FOXP4: variants seen among roughly 807,000 people sequenced by gnomAD.
FOXP4 encodes forkhead box protein P4.
In FOXP4, 25 loss-of-function variants were observed where a neutral mutation model predicts 82.6. The observed-to-expected ratio is 0.30, with a 90% CI of 0.22 to 0.42. The LOEUF is 0.42. FOXP4 is among the 10% of genes least tolerant of loss of function. The pLI is 1.00. For synonymous variants in FOXP4, 415 were observed against 388.2 expected (o/e 1.07, Z -0.81); for missense variants, 785 against 900.9 (o/e 0.87, Z 1.65).
At chr6:41,568,572 A>G (rs1765011586) in intron 2 of FOXP4, among the ~76,000 whole-genome samples, 1 of 152,250 alleles carries the variant, frequency 6.6e-6, no homozygotes. Flanking sequence ...GTTCTGTGAT[A>G]GAAAAGCAAC....
At chr6:41,590,478 G>A in intron 12 of FOXP4, 131 bp downstream of exon 12, 2 of 941,418 alleles carry the variant, frequency 2.1e-6, no homozygotes, top group South Asian at 3.2e-5. Context: ...TCACGTGGCG[G>A]TCTTCCCTCT....
chr6:41,589,740 C>T (rs761870929), intron 9 of FOXP4, 31 bp from the exon 10 acceptor site: 24 of 1,604,478 alleles, frequency 1.5e-5, no homozygotes, highest in Middle Eastern at 2.0e-4. Flanking sequence ...TTCAGCCTCC[C>T]GCTCACCTCC....
Position 41,597,734 on chromosome 6 carries a change from C to G in FOXP4, c.1726-47C>G, listed in dbSNP as rs1887079. ...AGGCACAGCACTTGACTGAGTGTGC[C>G]CCATCCTGTGGAGCCACTGACGAGG... On this transcript the variant is annotated intron_variant, in intron 15 of 16. Transcript: ENST00000307972. 3.2e-6 allele frequency: 5 copies of G among 1,582,810 alleles called. No individual in the cohort carries two copies. In the Admixed American group the frequency reaches 8.7e-5, roughly 28 times the overall value.
At position 41,594,995 on chromosome 6, in the gene FOXP4, T is replaced by C. The variant is rs552165128; in HGVS notation, c.1658+4T>C. 3.1e-6 allele frequency: 5 copies of C among 1,613,946 alleles called. No individual in the cohort carries two copies. The highest frequency in any genetic ancestry group is 8.5e-7 in the Non-Finnish European group (1 of 1,179,970). On this transcript the variant is annotated splice_donor_region_variant and intron_variant, in intron 14 of 16. Transcript: ENST00000307972. The stretch of plus-strand genomic sequence containing the variant: ...GGAGACCGCCAAAGATGACAGGGTA[T>C]GTGGGTCCAGAGCTGGATGGGCTGT...
Position 41,590,137 on chromosome 6 carries a change from A to G in FOXP4, c.1324A>G (p.Ser442Gly), listed in dbSNP as rs1184627804. 2.5e-6 allele frequency: 4 copies of G among 1,609,804 alleles called. No homozygotes were observed. Among genetic ancestry groups the G allele is most frequent in the East Asian group, 4.5e-5 (2 of 44,740 alleles). ...LHGGGPARRR[S>G]SDKFCSPISS... ...TGGTGGGGGCCCAGCCCGTCGGAGA[A>G]GCAGTGACAAGTTCTGCTCCCCCAT... The change falls in exon 11 of 17, where the codon AGC becomes GGC. Residue 442 changes from serine (S) to glycine (G), a missense_variant. Ser to Gly is a moderately conservative substitution (Grantham distance 56, BLOSUM62 0). Transcript: ENST00000307972.
chr6:41,587,938 C>T (rs2127393790), intron 8 of FOXP4, 41 bp downstream of exon 8: 2 of 1,112,044 alleles, frequency 1.8e-6, no homozygotes. Context: ...AGCCTTTCCC[C>T]ACAGGGCCTC....
At position 41,593,955 on chromosome 6, in the gene FOXP4, A is replaced by T. The variant is rs993855213; in HGVS notation, c.1537-915A>T. Among the ~76,000 whole-genome samples, 1 of 138,914 alleles carries T rather than the reference A, an allele frequency of 7.2e-6. No individual in the cohort carries two copies. The highest frequency in any genetic ancestry group is 1.6e-5 in the Non-Finnish European group (1 of 61,622). 91.1% of individuals were successfully genotyped at this position (138,914 alleles called of 152,430 possible). ...GGAGGACAGGTAACAGGGTCCAGGG[A>T]TGCAGGCAGGGATGGTGATAACTGG... On this transcript the variant is annotated intron_variant, in intron 13 of 16. Transcript: ENST00000307972. The surrounding 1 kb of genome is among the most constrained non-coding windows in gnomAD (Gnocchi z 4.1).
Position 41,598,895 on chromosome 6 carries a change from A to G in FOXP4, c.2002A>G (p.Arg668Gly), listed in dbSNP as rs1310228620. 1 of 1,607,338 alleles carries G rather than the reference A, an allele frequency of 6.2e-7. No homozygotes were observed. The highest frequency in any genetic ancestry group is 1.7e-5 in the Admixed American group (1 of 59,130). Residue 668 changes from arginine to glycine, a missense_variant, in exon 17 of 17, where the codon AGG becomes GGG. Physicochemically the swap from Arg to Gly is moderately radical, Grantham distance 125. Coordinates refer to ENST00000307972, the MANE Select transcript of FOXP4 (RefSeq NM_001012426.2). ...CAGCGCCTCGGGGCCTCCGGAAGAC[A>G]GGGACCTGGAGGAGGAGCTGCCGGG... ...NPSASGPPED[R>G]DLEEELPGEE...
intron 3 of FOXP4, among the ~76,000 whole-genome samples, chr6:41,578,690 G>C (rs1347315010): frequency 7.1e-6 from 1 of 141,814 alleles, no homozygotes; most frequent in Non-Finnish European, 1.6e-5. Context: ...TGGCTGGCTG[G>C]GGGAGGGGAG....
intron 7 of FOXP4, 90 bp downstream of exon 7, chr6:41,587,602 G>A: frequency 5.1e-6 from 6 of 1,176,000 alleles, no homozygotes; most frequent in South Asian, 1.5e-5. Flanking sequence ...TGAGGGAGGG[G>A]GTGGAGCCCA....
chr6:41,579,348 G>A (rs1317044050), intron 3 of FOXP4, among the ~76,000 whole-genome samples: 1 of 152,140 alleles, frequency 6.6e-6, no homozygotes, highest in Non-Finnish European at 1.5e-5. Context: ...TACCCATGCT[G>A]GTCAGGATTG....
At chr6:41,584,516 T>A (rs1176622262) in intron 3 of FOXP4, among the ~76,000 whole-genome samples, 1 of 152,242 alleles carries the variant, frequency 6.6e-6, no homozygotes, top group Admixed American at 6.5e-5. Flanking sequence ...TTTTAAGTAT[T>A]CACTGATTAG....
Position 41,599,620 on chromosome 6 carries a change from A to AC in FOXP4, c.*689dup, listed in dbSNP as rs1254813277. 2 of 150,440 alleles carry AC rather than the reference A, an allele frequency of 1.3e-5. No homozygotes were observed. The highest frequency in any genetic ancestry group is 4.9e-5 in the African/African-American group (2 of 40,566). 9.3% of individuals were successfully genotyped at this position (150,440 alleles called of 1,614,324 possible). Reference sequence around the variant, plus strand: ...CAGGCTGAGCCAGGCCTCCACCCCCACCCCCGTTTGCTGGGGGCTCCTCCA... The same window carrying AC: ...CAGGCTGAGCCAGGCCTCCACCCCCACCCCCCGTTTGCTGGGGGCTCCTCCA... On this transcript the variant is annotated 3_prime_UTR_variant, in exon 17 of 17. Coordinates refer to ENST00000307972, the MANE Select transcript of FOXP4 (RefSeq NM_001012426.2).
intron 2 of FOXP4, among the ~76,000 whole-genome samples, chr6:41,569,366 A>G (rs898442469): frequency 6.6e-6 from 1 of 152,196 alleles, no homozygotes; most frequent in African/African-American, 2.4e-5. Context: ...CGCCAAGGCA[A>G]ATGCTTCTAC....
intron 2 of FOXP4, among the ~76,000 whole-genome samples, chr6:41,573,875 C>T (rs1380277095): frequency 6.6e-6 from 1 of 152,142 alleles, no homozygotes; most frequent in Non-Finnish European, 1.5e-5. Flanking sequence ...AGTACACCTC[C>T]CTTAGAGGAA....
chr6:41,579,281 A>G (rs1429261139), intron 3 of FOXP4, among the ~76,000 whole-genome samples: 5 of 152,160 alleles, frequency 3.3e-5, no homozygotes. Context: ...CAATCTGGAA[A>G]GTCAATAAAG....
Position 41,565,862 on chromosome 6 carries a change from C to T in FOXP4, c.102C>T (p.Ala34=). The change falls in exon 2 of 17, where the codon GCC becomes GCT. Residue 34 remains alanine (A), a synonymous_variant. Coordinates refer to ENST00000307972, the MANE Select transcript of FOXP4 (RefSeq NM_001012426.2). The part of the protein sequence containing the change: ...SGQADGSSGG[A]TGTTASGTGR... Reference sequence around the variant, plus strand: ...AAGCCGATGGCAGCAGCGGCGGGGCCACAGGGACAACTGCAAGTGGCACGG... The same window carrying T: ...AAGCCGATGGCAGCAGCGGCGGGGCTACAGGGACAACTGCAAGTGGCACGG... The T allele has an allele frequency of 6.2e-7, 1 of 1,613,940 alleles. No homozygotes were observed. The highest frequency in any genetic ancestry group is 8.5e-7 in the Non-Finnish European group (1 of 1,180,032).
In FOXP4 at chr6:41,589,782, G is replaced by A. The variant is rs1766383672; in HGVS notation, c.1077G>A (p.Glu359=). 1 of 1,611,408 alleles carries A rather than the reference G, an allele frequency of 6.2e-7. No individual in the cohort carries two copies. Among genetic ancestry groups the A allele is most frequent in the Non-Finnish European group, 8.5e-7 (1 of 1,179,914 alleles). Residue 359 remains glutamate (E), a synonymous_variant, in exon 10 of 17, where the codon GAG becomes GAA. Coordinates refer to ENST00000307972, the MANE Select transcript of FOXP4 (RefSeq NM_001012426.2). ...VQQLEIQLAK[E]SERLQAMMAH... is the part of the protein sequence containing the mutation. ...GCCACCCTCCACAGCTCGCCAAGGA[G>A]AGCGAGCGGCTGCAGGCCATGATGG...
At chr6:41,598,006 G>GT in intron 16 of FOXP4, 56 bp downstream of exon 16, 2 of 1,384,388 alleles carry the variant, frequency 1.4e-6, no homozygotes, top group Non-Finnish European at 1.9e-6. Flanking sequence ...CACCAGGGAG[G>GT]AGGCGTCATC....
Sources: allele counts gnomAD v4.1 joint callset (sites outside exome capture counted in the v4.1 genomes callset), GRCh38; gene constraint gnomAD v4.1.1; non-coding constraint Gnocchi (gnomAD v3.1); transcripts MANE v1.5; gene names NCBI Gene and HGNC (gene_info 2026-07-23, HGNC 2026-07-21).